Variants in RTN4 observed in about 807,000 individuals in gnomAD.
RTN4 encodes reticulon-4.
RTN4 carries 32 observed loss-of-function variants against 90.4 expected under a neutral mutation model. The ratio of observed to expected loss-of-function variants is 0.35; its 90% CI spans 0.27 to 0.48. The LOEUF (loss-of-function observed/expected upper bound fraction) is 0.48. RTN4 is among the 20% of genes least tolerant of loss of function. The pLI is 0.99. For missense variants in RTN4, 1,706 were observed against 1,430.2 expected (o/e 1.19, Z -3.11); for synonymous variants, 629 against 552.5 (o/e 1.14, Z -1.94).
chr2:54,989,125 A>G (rs1166344988), intron 3 of RTN4, among the ~76,000 whole-genome samples: 1 of 152,118 alleles, frequency 6.6e-6, no homozygotes, highest in Non-Finnish European at 1.5e-5. Context: ...TGTAGGGAAA[A>G]CTATGTATGT....
intron 1 of RTN4, among the ~76,000 whole-genome samples, chr2:55,089,312 C>T (rs941752039): frequency 6.6e-6 from 1 of 152,132 alleles, no homozygotes; most frequent in Non-Finnish European, 1.5e-5. Context: ...AGTATGAATG[C>T]TAAAAATCAG....
At chr2:55,077,312 C>A (rs1304426789) in intron 2 of RTN4, among the ~76,000 whole-genome samples, 1 of 152,188 alleles carries the variant, frequency 6.6e-6, no homozygotes, top group Non-Finnish European at 1.5e-5. Context: ...CACACCCCGC[C>A]TAGGGCAGTT....
chr2:55,046,590 C>T (rs1443659496), intron 1 of RTN4, among the ~76,000 whole-genome samples: 1 of 152,202 alleles, frequency 6.6e-6, no homozygotes, highest in African/African-American at 2.4e-5. Flanking sequence ...CATAACACCA[C>T]TATTCTGGGT....
intron 3 of RTN4, among the ~76,000 whole-genome samples, chr2:55,023,020 G>A (rs1448643895): frequency 6.6e-6 from 1 of 150,938 alleles, no homozygotes; most frequent in Non-Finnish European, 1.5e-5. Flanking sequence ...ACTACTATTG[G>A]TTCTTAAACC....
intron 1 of RTN4, among the ~76,000 whole-genome samples, chr2:55,089,528 G>A (rs762653022): frequency 6.6e-6 from 1 of 152,144 alleles, no homozygotes; most frequent in Non-Finnish European, 1.5e-5. Flanking sequence ...GGTAATTAAC[G>A]GATTTATCAA....
chr2:55,129,715 C>T, the RTN4 span, among the ~76,000 whole-genome samples: 1 of 152,070 alleles, frequency 6.6e-6, no homozygotes, highest in Non-Finnish European at 1.5e-5. Context: ...GCGCTTGCCA[C>T]CACACCCAGC....
chr2:55,085,113 C>G (rs1668811690), intron 1 of RTN4, among the ~76,000 whole-genome samples: 1 of 152,030 alleles, frequency 6.6e-6, no homozygotes, highest in Admixed American at 6.6e-5. Flanking sequence ...AGAGTATAAA[C>G]AGTAGGAGAA....
At chr2:54,975,064 C>G (rs1677511202) in intron 5 of RTN4, among the ~76,000 whole-genome samples, 1 of 152,202 alleles carries the variant, frequency 6.6e-6, no homozygotes, top group Admixed American at 6.5e-5. Context: ...ACAACATTTA[C>G]CTTTTAAATG....
intron 1 of RTN4, among the ~76,000 whole-genome samples, chr2:55,048,351 T>G (rs1385723711): frequency 2.0e-5 from 3 of 152,230 alleles, no homozygotes; most frequent in Non-Finnish European, 4.4e-5. Flanking sequence ...AGATATATTT[T>G]TTCAATAATA....
intron 5 of RTN4, among the ~76,000 whole-genome samples, chr2:54,975,542 C>T (rs1315332772): frequency 6.6e-6 from 1 of 152,102 alleles, no homozygotes; most frequent in African/African-American, 2.4e-5. Flanking sequence ...TTTTATGGGC[C>T]ACATAGGGTT....
chr2:55,127,846 T>C, the RTN4 span, among the ~76,000 whole-genome samples: 1 of 152,074 alleles, frequency 6.6e-6, no homozygotes, highest in Non-Finnish European at 1.5e-5. Flanking sequence ...CAAATGCAGA[T>C]ACTTCAGTGA....
rs752436134 is a variant in RTN4, at chr2:55,050,232, G to C, written c.69C>G (p.Phe23Leu). The change falls in exon 1 of 9, where the codon TTC becomes TTG. Residue 23 changes from phenylalanine to leucine, a missense_variant. Phe to Leu is a conservative substitution (Grantham distance 22). Transcript: ENST00000337526. The surrounding 1 kb of genome is among the most constrained non-coding windows in gnomAD (Gnocchi z 4.6). ...CGGGCTCCCTCACGAACTGGTACTT[G>C]AACGCGGGCTGCGGCCGGGGTGGGC... is the stretch of plus-strand genomic sequence containing the variant. ...SDSPPRPQPA[F>L]KYQFVREPED... 2.6e-6 allele frequency: 4 copies of C among 1,553,768 alleles called. No homozygotes were observed. Among genetic ancestry groups the C allele is most frequent in the Non-Finnish European group, 3.5e-6 (4 of 1,151,916 alleles).
intron 1 of RTN4, among the ~76,000 whole-genome samples, chr2:55,033,505 G>T (rs1212062570): frequency 6.6e-6 from 1 of 152,146 alleles, no homozygotes; most frequent in Non-Finnish European, 1.5e-5. Flanking sequence ...AGCTGAGATG[G>T]AACAAGGTAA....
intron 2 of RTN4, chr2:55,056,646 AGTC>A: frequency 6.6e-6 from 1 of 152,130 alleles, no homozygotes; most frequent in Admixed American, 6.5e-5. Flanking sequence ...AAAAAAAAAA[AGTC>A]AGGTAGAAGT....
At chr2:55,086,341 G>A (rs373248667) in intron 1 of RTN4, among the ~76,000 whole-genome samples, 4 of 152,006 alleles carry the variant, frequency 2.6e-5, no homozygotes, top group East Asian at 3.9e-4. Flanking sequence ...ATACCCCTGT[G>A]TAACTGTTAC....
intron 2 of RTN4, among the ~76,000 whole-genome samples, chr2:55,061,465 G>A (rs910442434): frequency 3.3e-5 from 5 of 152,086 alleles, no homozygotes; most frequent in Admixed American, 6.5e-5. Flanking sequence ...AGTTGTCCAC[G>A]CAATGTCCTT....
At chr2:55,035,160 G>T (rs1682589682) in intron 1 of RTN4, among the ~76,000 whole-genome samples, 1 of 152,082 alleles carries the variant, frequency 6.6e-6, no homozygotes, top group African/African-American at 2.4e-5. Context: ...GATGATTTAG[G>T]CCCCACTACC....
chr2:55,025,272 AC>A lies in RTN4; in HGVS notation c.2826del (p.Ser943LeufsTer22). On this transcript the variant is annotated frameshift_variant, in exon 3 of 9. Transcript: ENST00000337526. LOFTEE classifies it high-confidence loss of function. ...ISFSDDFSKN[G>X]SATSKVLLLP... Reference sequence around the variant, plus strand: ...AATAAGAGCACCTTTGATGTAGCAGACCCATTTTTAGAAAAGTCATCTGAGA... The same window carrying A: ...AATAAGAGCACCTTTGATGTAGCAGACCATTTTTAGAAAAGTCATCTGAGA... 1 of 1,613,886 alleles carries A rather than the reference AC, an allele frequency of 6.2e-7. No homozygotes were observed. The highest frequency in any genetic ancestry group is 2.2e-5 in the East Asian group (1 of 44,874).
intron 3 of RTN4, among the ~76,000 whole-genome samples, chr2:54,994,070 A>G (rs1679231415): frequency 6.6e-6 from 1 of 152,384 alleles, no homozygotes; most frequent in Admixed American, 6.5e-5. Flanking sequence ...AAAATTTTGA[A>G]AGATTGTTTA....
Sources: allele counts gnomAD v4.1 joint callset (sites outside exome capture counted in the v4.1 genomes callset), GRCh38; gene constraint gnomAD v4.1.1; non-coding constraint Gnocchi (gnomAD v3.1); transcripts MANE v1.5; gene names NCBI Gene and HGNC (gene_info 2026-07-23, HGNC 2026-07-21).